PADI6: variants seen among roughly 807,000 people sequenced by gnomAD.
PADI6 encodes the protein inactive protein-arginine deiminase type-6.
PADI6 carries 66 observed loss-of-function variants against 78.2 expected under a neutral mutation model. That is an observed-to-expected ratio of 0.84 (90% confidence interval 0.69 to 1.04). The LOEUF (loss-of-function observed/expected upper bound fraction) is 1.04, where lower values mean the gene tolerates loss of function less well. Among genes scored for constraint, PADI6 ranks in the 50% least tolerant of loss-of-function variants. The probability of loss-of-function intolerance (pLI) is 0.00; values close to 1 mark genes in which losing one functional copy is unlikely to be tolerated. For synonymous variants in PADI6, 397 were observed against 346.9 expected (o/e 1.14, Z -1.60); for missense variants, 854 against 866.1 (o/e 0.99, Z 0.18).
chr1:17,390,031 G>A (rs559356322), intron 8 of PADI6, among the ~76,000 whole-genome samples: 66 of 152,314 alleles, frequency 4.3e-4, no homozygotes, highest in African/African-American at 1.5e-3. Context: ...CAGTGTGGTG[G>A]CTCACACCTA....
At chr1:17,382,668 G>A (rs12023951) in intron 6 of PADI6, among the ~76,000 whole-genome samples, 1 of 149,116 alleles carries the variant, frequency 6.7e-6, no homozygotes, top group Non-Finnish European at 1.5e-5. Flanking sequence ...CAGCAAAACA[G>A]CCTTGCACAT....
At chr1:17,391,941 C>G (rs1482134568) in intron 8 of PADI6, among the ~76,000 whole-genome samples, 173 bp from the exon 9 acceptor site, 2 of 152,256 alleles carry the variant, frequency 1.3e-5, no homozygotes, top group African/African-American at 4.8e-5. Context: ...AAGATGGGCT[C>G]TGAGCTTCTG....
At chr1:17,381,542 A>C (rs1346675749) in intron 5 of PADI6, among the ~76,000 whole-genome samples, 1 of 152,232 alleles carries the variant, frequency 6.6e-6, no homozygotes, top group Non-Finnish European at 1.5e-5. Context: ...AGCCTCTCAT[A>C]GTCTGGGCCA....
intron 3 of PADI6, among the ~76,000 whole-genome samples, chr1:17,379,550 C>T (rs2075052460): frequency 6.6e-6 from 1 of 152,290 alleles, no homozygotes; most frequent in Middle Eastern, 3.4e-3. Flanking sequence ...CCACTGTGCC[C>T]GGCCATATTA....
intron 6 of PADI6, among the ~76,000 whole-genome samples, chr1:17,382,895 GTCC>G (rs1195141847): frequency 6.6e-6 from 1 of 152,160 alleles, no homozygotes; most frequent in African/African-American, 2.4e-5. Flanking sequence ...GACTCAAGCA[GTCC>G]TCCTACCTCA....
chr1:17,377,132 GC>G (rs1237925581), intron 3 of PADI6, among the ~76,000 whole-genome samples: 3 of 151,806 alleles, frequency 2.0e-5, no homozygotes, highest in African/African-American at 7.3e-5. Flanking sequence ...GCACCACCAT[GC>G]CCAGCTGACT....
At position 17,388,878 on chromosome 1, in the gene PADI6, C is replaced by T. The variant is rs374434470; in HGVS notation, c.960C>T (p.Cys320=). ...AGGTGCCTCTGGAGGTTTACCTGTG[C>T]AGGTGAGAGACCATCAGGCTGACTG... ...CTQVPLEVYL[C]RELQLQGFVD... is the part of the protein sequence containing the mutation. Residue 320 remains cysteine, a splice_region_variant and synonymous_variant, in exon 8 of 16, where the codon TGC becomes TGT. Coordinates refer to ENST00000619609, the MANE Select transcript of PADI6 (RefSeq NM_207421.4). The T allele has an allele frequency of 3.1e-6, 5 of 1,611,678 alleles. No individual in the cohort carries two copies. The highest frequency in any genetic ancestry group is 2.7e-5 in the African/African-American group (2 of 74,890).
At chr1:17,375,303 G>A (rs1324714235) in intron 2 of PADI6, 124 bp from the exon 3 acceptor site, 4 of 853,232 alleles carry the variant, frequency 4.7e-6, no homozygotes, top group Non-Finnish European at 7.4e-6. Context: ...GCTCATAGGT[G>A]AGACTTCAGA....
At chr1:17,393,621 G>A (rs954411709) in intron 9 of PADI6, among the ~76,000 whole-genome samples, 2 of 152,166 alleles carry the variant, frequency 1.3e-5, no homozygotes, top group African/African-American at 4.8e-5. Context: ...TTACAGGCAT[G>A]AGCCACCATG....
chr1:17,372,967 T>TA, intron 1 of PADI6, 89 bp from the exon 2 acceptor site: 1 of 1,335,904 alleles, frequency 7.5e-7, no homozygotes, highest in African/African-American at 1.4e-5. Context: ...GAATGAGGAT[T>TA]CGGGAGCCGT....
At chr1:17,388,302 T>G in intron 6 of PADI6, 79 bp from the exon 7 acceptor site, 24 of 1,322,288 alleles carry the variant, frequency 1.8e-5, no homozygotes, top group Non-Finnish European at 2.3e-5. Context: ...ATATGAGGAA[T>G]GAGCTGGTAC....
chr1:17,396,763 G>A lies in PADI6; in HGVS notation c.1619-308G>A, dbSNP rs143553016. The stretch of plus-strand genomic sequence containing the variant: ...TTGTATTGGCATAAGGGGAGTAGGG[G>A]CTGAAGTCATCCTAACAAGCTCTAG... On this transcript the variant is annotated intron_variant, in intron 13 of 15. Coordinates refer to ENST00000619609, the MANE Select transcript of PADI6 (RefSeq NM_207421.4). Among the ~76,000 whole-genome samples the A allele has an allele frequency of 2.8e-3, 422 of 152,350 alleles. 4 individuals are homozygous for A. In the South Asian group the frequency reaches 0.04, roughly 14 times the overall value.
Position 17,376,466 on chromosome 1 carries a change from ATTTTT to A in PADI6, c.367+972_367+976del, listed in dbSNP as rs549451529. On this transcript the variant is annotated intron_variant, in intron 3 of 15. Coordinates refer to ENST00000619609, the MANE Select transcript of PADI6 (RefSeq NM_207421.4). Reference sequence around the variant, plus strand: ...AGGTACCCGCCACCATGCCCGGCTAATTTTTTTTTATTTTTAGTGGGCTAATTTTT... The same window carrying A: ...AGGTACCCGCCACCATGCCCGGCTAATTTTATTTTTAGTGGGCTAATTTTT... 3.4e-3 allele frequency among the ~76,000 whole-genome samples: 510 copies of A among 151,132 alleles called. 3 individuals carry two copies. The highest frequency in any genetic ancestry group is 0.011 in the African/African-American group (470 of 41,146).
chr1:17,397,416 AAC>A (rs1157097148), intron 14 of PADI6, among the ~76,000 whole-genome samples: 22 of 152,184 alleles, frequency 1.4e-4, no homozygotes, highest in African/African-American at 5.1e-4. Context: ...GGAAGTGGGT[AAC>A]ACAGCTTTCT....
At position 17,397,151 on chromosome 1, in the gene PADI6, G is replaced by C; in HGVS notation, c.1689+10G>C. On this transcript the variant is annotated intron_variant, in intron 14 of 15. Transcript: ENST00000619609. The stretch of plus-strand genomic sequence containing the variant: ...GAATGAATACGTGGAGGTAGGACCA[G>C]TGTGAAGGGGGCCATCCCCAAGAAA... 1.2e-6 allele frequency: 2 copies of C among 1,613,512 alleles called. No homozygotes were observed. The highest frequency in any genetic ancestry group is 2.2e-5 in the South Asian group (2 of 90,962).
chr1:17,377,292 TC>T (rs1164950283), intron 3 of PADI6, among the ~76,000 whole-genome samples: 1 of 151,956 alleles, frequency 6.6e-6, no homozygotes, highest in East Asian at 1.9e-4. Context: ...TGCTGGTCAA[TC>T]CCCTCTTAAC....
intron 15 of PADI6, 97 bp from the exon 16 acceptor site, chr1:17,401,108 C>A: frequency 1.8e-6 from 2 of 1,141,032 alleles, no homozygotes; most frequent in Non-Finnish European, 2.5e-6. Context: ...GGCTGCCTGC[C>A]TGCTACGCCT....
In PADI6 at chr1:17,388,760, A is replaced by T; in HGVS notation, c.859-17A>T. The T allele has an allele frequency of 6.2e-7, 1 of 1,609,720 alleles. No homozygotes were observed. Among genetic ancestry groups the T allele is most frequent in the Non-Finnish European group, 8.5e-7 (1 of 1,177,348 alleles). ...AATGTGGAAGCAGGTTGCTAACAGG[A>T]CCTTGTCTTGTTGCAGTCAATTCCA... On this transcript the variant is annotated splice_polypyrimidine_tract_variant and intron_variant, in intron 7 of 15. Transcript: ENST00000619609.
rs2074980572 is a variant in PADI6 at position 17,373,191 on chromosome 1, A to G, written c.252A>G (p.Thr84=). The change falls in exon 2 of 16, where the codon ACA becomes ACG. Residue 84 remains threonine (T), a synonymous_variant. Transcript: ENST00000619609. Reference sequence around the variant, plus strand: ...CCCTGTCTGATCCCACGTACGCCACAGTGAAGATGACATCGCCCAGCCCTT... The same window carrying G: ...CCCTGTCTGATCCCACGTACGCCACGGTGAAGATGACATCGCCCAGCCCTT... ...WWPLSDPTYA[T]VKMTSPSPSV... 2.5e-6 allele frequency: 4 copies of G among 1,614,008 alleles called. No individual in the cohort carries two copies. Among genetic ancestry groups the G allele is most frequent in the Non-Finnish European group, 3.4e-6 (4 of 1,179,874 alleles).
Sources: allele counts gnomAD v4.1 joint callset (sites outside exome capture counted in the v4.1 genomes callset), GRCh38; gene constraint gnomAD v4.1.1; transcripts MANE v1.5; gene names NCBI Gene and HGNC (gene_info 2026-07-23, HGNC 2026-07-21).